Variants in ECHS1 observed in about 807,000 individuals in gnomAD.
ECHS1 encodes enoyl-CoA hydratase, mitochondrial.
In ECHS1, 19 loss-of-function variants were observed where a neutral mutation model predicts 33.5. That is an observed-to-expected ratio of 0.57 (90% CI 0.40 to 0.83). The LOEUF (loss-of-function observed/expected upper bound fraction) is 0.83, where lower values mean the gene tolerates loss of function less well. Ranked by LOEUF, ECHS1 falls within the 40% of genes least tolerant of loss-of-function variation. ECHS1 has a pLI of 0.00. For missense variants in ECHS1, 365 were observed against 381.3 expected, an observed-to-expected ratio of 0.96 and a Z score of 0.36; for synonymous variants, 158 against 146.6, an observed-to-expected ratio of 1.08 and a Z score of -0.56.
intron 2 of ECHS1, 108 bp downstream of exon 2, chr10:133,370,452 G>T: frequency 8.3e-7 from 1 of 1,198,644 alleles, no homozygotes; most frequent in South Asian, 1.7e-5. Flanking sequence ...GTCCCCAGTC[G>T]CATGCCTCTG....
At chr10:133,368,270 T>G (rs77884213) in intron 4 of ECHS1, among the ~76,000 whole-genome samples, 3,544 of 152,130 alleles carry the variant, frequency 0.023, 126 homozygotes, top group African/African-American at 0.08. Context: ...ACTGGTCCCT[T>G]ATAGTAGCAG....
intron 7 of ECHS1, among the ~76,000 whole-genome samples, 174 bp from the exon 8 acceptor site, chr10:133,363,107 C>T (rs983731632): frequency 6.6e-6 from 1 of 152,174 alleles, no homozygotes; most frequent in East Asian, 1.9e-4. Context: ...TGGGCCTGGG[C>T]GCGGGGATTT....
At chr10:133,371,263 T>C (rs1006937168) in intron 1 of ECHS1, among the ~76,000 whole-genome samples, 7 of 149,976 alleles carry the variant, frequency 4.7e-5, no homozygotes, top group East Asian at 4.0e-4. Context: ...GGTGACAGAG[T>C]GAGACTCCGT....
Position 133,370,025 on chromosome 10 carries a change from G to C in ECHS1, c.293C>G (p.Ala98Gly). 1 of 1,613,754 alleles carries C rather than the reference G, an allele frequency of 6.2e-7. No individual in the cohort carries two copies. Among genetic ancestry groups the C allele is most frequent in the Non-Finnish European group, 8.5e-7 (1 of 1,179,942 alleles). ...CAGGTTCTGCATTTCCTTGATATCA[G>C]CTCCAGCTAGCAGGAGTGGAAAGGA... ...TGGDKAFAAG[A>G]DIKEMQNLSF... is the part of the protein sequence containing the mutation. The change falls in exon 3 of 8, where the codon GCT becomes GGT. Residue 98 changes from alanine to glycine, a missense_variant. Physicochemically the swap from Ala to Gly is moderately conservative, Grantham distance 60. Coordinates refer to ENST00000368547, the MANE Select transcript of ECHS1 (RefSeq NM_004092.4).
At chr10:133,369,366 ACGG>A in intron 3 of ECHS1, among the ~76,000 whole-genome samples, 2 of 29,290 alleles carry the variant, frequency 6.8e-5, no homozygotes, top group South Asian at 1.6e-3. Context: ...CCTGGCTTAC[ACGG>A]CAGGGAGTGT....
chr10:133,367,003 G>A lies in ECHS1; in HGVS notation c.515-10C>T. On this transcript the variant is annotated splice_polypyrimidine_tract_variant and intron_variant, in intron 4 of 7. Coordinates refer to ENST00000368547, the MANE Select transcript of ECHS1 (RefSeq NM_004092.4). ...TGGGTGCCGCCCGCACCTGCAGGGAGGGGCTGGTCATGGCTGGCACTGTGA... is the reference window on the plus strand; with the variant it reads ...TGGGTGCCGCCCGCACCTGCAGGGAAGGGCTGGTCATGGCTGGCACTGTGA... 9 of 1,605,798 alleles carry A rather than the reference G, an allele frequency of 5.6e-6. No homozygotes were observed. Among genetic ancestry groups the A allele is most frequent in the Non-Finnish European group, 7.6e-6 (9 of 1,176,860 alleles).
chr10:133,368,832 C>T, intron 4 of ECHS1, 91 bp downstream of exon 4: 1 of 1,231,154 alleles, frequency 8.1e-7, no homozygotes, highest in South Asian at 1.3e-5. Context: ...TCCAGGGCCT[C>T]TGGTCAGATA....
intron 7 of ECHS1, among the ~76,000 whole-genome samples, chr10:133,363,844 A>C (rs1848997615): frequency 6.6e-6 from 1 of 152,242 alleles, no homozygotes; most frequent in East Asian, 1.9e-4. Flanking sequence ...TTACTGGCAG[A>C]AATCTTATAA....
At chr10:133,368,068 CTT>C (rs1283935207) in intron 4 of ECHS1, among the ~76,000 whole-genome samples, 3 of 152,172 alleles carry the variant, frequency 2.0e-5, no homozygotes, top group African/African-American at 4.8e-5. Flanking sequence ...CTCTTTATCT[CTT>C]TGTCTTGTGT....
intron 7 of ECHS1, among the ~76,000 whole-genome samples, chr10:133,363,639 C>T (rs1377495665): frequency 6.6e-6 from 1 of 152,066 alleles, no homozygotes; most frequent in African/African-American, 2.4e-5. Flanking sequence ...CAAAAATTAG[C>T]CAGGTGTGGT....
chr10:133,371,974 T>A (rs1849115212), intron 1 of ECHS1, among the ~76,000 whole-genome samples: 1 of 152,110 alleles, frequency 6.6e-6, no homozygotes, highest in Non-Finnish European at 1.5e-5. Flanking sequence ...TTTTTGTATT[T>A]TTAGTAGACA....
chr10:133,367,251 T>A (rs1453475765), intron 4 of ECHS1, among the ~76,000 whole-genome samples: 3 of 152,202 alleles, frequency 2.0e-5, no homozygotes, highest in East Asian at 3.9e-4. Context: ...CACAAACTGT[T>A]TCGGTATAAT....
chr10:133,364,170 C>G (rs987417506), intron 7 of ECHS1, among the ~76,000 whole-genome samples: 1 of 152,134 alleles, frequency 6.6e-6, no homozygotes, highest in Non-Finnish European at 1.5e-5. Flanking sequence ...GTTTCAAACT[C>G]CTGAGCTCAG....
intron 7 of ECHS1, 77 bp from the exon 8 acceptor site, chr10:133,363,010 CT>C: frequency 6.5e-7 from 1 of 1,542,816 alleles, no homozygotes. Context: ...CCGCCCGTCT[CT>C]CCCTGGCTCT....
chr10:133,362,952 G>A lies in ECHS1; in HGVS notation c.808-19C>T, dbSNP rs1023348724. ...GGTCATCCTGGCAGGAAAAGGAACA[G>A]AAACAGAGCTGGACGCGCAGTATCC... On this transcript the variant is annotated intron_variant, in intron 7 of 7. Coordinates refer to ENST00000368547, the MANE Select transcript of ECHS1 (RefSeq NM_004092.4). The A allele has an allele frequency of 2.5e-6, 4 of 1,613,858 alleles. No individual in the cohort carries two copies. Among genetic ancestry groups the A allele is most frequent in the African/African-American group, 2.7e-5 (2 of 74,944 alleles).
intron 4 of ECHS1, among the ~76,000 whole-genome samples, chr10:133,367,252 T>G (rs1314087600): frequency 2.0e-5 from 3 of 152,208 alleles, no homozygotes; most frequent in East Asian, 3.9e-4. Context: ...ACAAACTGTT[T>G]CGGTATAATA....
chr10:133,366,132 A>T (rs370542093), intron 5 of ECHS1, 37 bp from the exon 6 acceptor site: 5 of 1,606,604 alleles, frequency 3.1e-6, no homozygotes, highest in Non-Finnish European at 4.2e-6. Context: ...ATGTGCAGAA[A>T]CAGCACTTGT....
At chr10:133,363,650 G>T (rs750820497) in intron 7 of ECHS1, among the ~76,000 whole-genome samples, 3 of 152,106 alleles carry the variant, frequency 2.0e-5, no homozygotes, top group Non-Finnish European at 4.4e-5. Flanking sequence ...CAGGTGTGGT[G>T]GTGGGCACCT....
At chr10:133,363,660 T>G (rs1848995394) in intron 7 of ECHS1, among the ~76,000 whole-genome samples, 1 of 152,118 alleles carries the variant, frequency 6.6e-6, no homozygotes. Context: ...GGTGGGCACC[T>G]GTAATCCCAG....
Sources: allele counts gnomAD v4.1 joint callset (sites outside exome capture counted in the v4.1 genomes callset), GRCh38; gene constraint gnomAD v4.1.1; transcripts MANE v1.5; gene names NCBI Gene and HGNC (gene_info 2026-07-23, HGNC 2026-07-21).